Variants in NR1D2 observed in about 807,000 individuals in gnomAD.
NR1D2 encodes the protein V-erbA-related protein 1-related.
A neutral mutation model predicts 52.2 loss-of-function variants in NR1D2; 25 were observed. The observed-to-expected ratio is 0.48, with a 90% CI of 0.35 to 0.67. NR1D2 has a LOEUF of 0.67. Among genes scored for constraint, NR1D2 ranks in the 30% least tolerant of loss-of-function variants. The pLI, the probability that NR1D2 is intolerant of heterozygous loss-of-function variation, is 0.01. For missense variants in NR1D2, 681 were observed against 707.2 expected, an observed-to-expected ratio of 0.96 and a Z score of 0.42; for synonymous variants, 259 against 230.1, an observed-to-expected ratio of 1.13 and a Z score of -1.14.
chr3:23,957,138 A>G (rs542746518), intron 3 of NR1D2, among the ~76,000 whole-genome samples: 1 of 151,366 alleles, frequency 6.6e-6, no homozygotes. Flanking sequence ...ACACGCCACC[A>G]CTCCAGGCTA....
At chr3:23,950,411 G>T (rs1000300175) in intron 1 of NR1D2, among the ~76,000 whole-genome samples, 3 of 152,224 alleles carry the variant, frequency 2.0e-5, no homozygotes, top group Non-Finnish European at 4.4e-5. Context: ...AGTTCTTCTT[G>T]TGAGGATGAA....
chr3:23,957,235 G>A (rs1706102728), intron 3 of NR1D2, among the ~76,000 whole-genome samples: 1 of 151,568 alleles, frequency 6.6e-6, no homozygotes, highest in Non-Finnish European at 1.5e-5. Flanking sequence ...TGCCCGCCTC[G>A]GCTTCGCAAA....
At chr3:23,963,458 G>GTTT in intron 5 of NR1D2, 15 of 946,110 alleles carry the variant, frequency 1.6e-5, no homozygotes, top group South Asian at 8.6e-5. Flanking sequence ...TTGCTTTTTT[G>GTTT]TTTTTTTTTT....
chr3:23,977,562 T>C lies in NR1D2; in HGVS notation c.*143T>C, dbSNP rs879601752. 2 of 491,604 alleles carry C rather than the reference T, an allele frequency of 4.1e-6. No individual in the cohort carries two copies. Among genetic ancestry groups the C allele is most frequent in the Non-Finnish European group, 6.9e-6 (2 of 290,286 alleles). 30.5% of individuals were successfully genotyped at this position (491,604 alleles called of 1,614,324 possible). On this transcript the variant is annotated 3_prime_UTR_variant, in exon 8 of 8. Transcript: ENST00000312521. The stretch of plus-strand genomic sequence containing the variant: ...GTAGGCTATCTCTGTAATCATGCAA[T>C]AGCTGTTCGGATTGAGAACTCTTCA...
intron 1 of NR1D2, among the ~76,000 whole-genome samples, chr3:23,950,279 A>G (rs920281486): frequency 3.3e-5 from 5 of 152,236 alleles, no homozygotes; most frequent in Admixed American, 2.6e-4. Context: ...CTTCTCACCA[A>G]ATAAGTTTGT....
At chr3:23,948,272 C>T (rs1705824963) in intron 1 of NR1D2, among the ~76,000 whole-genome samples, 1 of 152,104 alleles carries the variant, frequency 6.6e-6, no homozygotes, top group Admixed American at 6.5e-5. Context: ...TCTTACTGTC[C>T]TTCGTGACAT....
chr3:23,977,028 A>G (rs998119280), intron 7 of NR1D2, among the ~76,000 whole-genome samples, 195 bp from the exon 8 acceptor site: 8 of 152,180 alleles, frequency 5.3e-5, no homozygotes, highest in African/African-American at 1.9e-4. Context: ...TGTGATATAT[A>G]TGCTTTATAA....
At chr3:23,957,584 G>A (rs1429068458) in intron 3 of NR1D2, among the ~76,000 whole-genome samples, 8 of 151,276 alleles carry the variant, frequency 5.3e-5, no homozygotes, top group African/African-American at 9.7e-5. Context: ...TTAGCCGGAC[G>A]TAGTGGTGGG....
In NR1D2 at chr3:23,974,802, C is replaced by A. The variant is rs577283214; in HGVS notation, c.1544-2421C>A. ...AAAATTGTGACCCTCCCCCTACCCC[C>A]ACAAACCAATATCCAATTTTTTTTT... On this transcript the variant is annotated intron_variant, in intron 7 of 7. Coordinates refer to ENST00000312521, the MANE Select transcript of NR1D2 (RefSeq NM_005126.5). Among the ~76,000 whole-genome samples the A allele has an allele frequency of 2.6e-3, 400 of 151,724 alleles. 3 individuals carry two copies. The highest frequency in any genetic ancestry group is 8.9e-3 in the African/African-American group (367 of 41,372).
At position 23,977,256 on chromosome 3, in the gene NR1D2, A is replaced by G; in HGVS notation, c.1577A>G (p.Glu526Gly). 1 of 1,607,628 alleles carries G rather than the reference A, an allele frequency of 6.2e-7. No homozygotes were observed. The highest frequency in any genetic ancestry group is 8.5e-7 in the Non-Finnish European group (1 of 1,177,448). The part of the protein sequence containing the change: ...RSGIENVNSV[E>G]ALQETLIRAL... ...GGAATAGAAAACGTCAACTCTGTGG[A>G]GGCTTTGCAGGAAACTCTCATTCGT... The change falls in exon 8 of 8, where the codon GAG (glutamate) becomes GGG (glycine). Residue 526 changes from glutamate (E) to glycine (G), a missense_variant. By Grantham distance (98) the Glu-to-Gly change is moderately conservative (BLOSUM62 -2). Around this residue, in one of 3 missense-constraint regions of NR1D2, gnomAD observed 475 missense variants for 454.5 expected, o/e 1.05. Transcript: ENST00000312521.
intron 1 of NR1D2, among the ~76,000 whole-genome samples, chr3:23,953,901 G>A (rs993815880): frequency 6.6e-6 from 1 of 152,290 alleles, no homozygotes; most frequent in East Asian, 1.9e-4. Flanking sequence ...TTACTTAGGA[G>A]CATTTTTTAG....
chr3:23,967,893 G>C lies in NR1D2; in HGVS notation c.1413G>C (p.Val471=). The C allele has an allele frequency of 6.2e-7, 1 of 1,613,720 alleles. No homozygotes were observed. Among genetic ancestry groups the C allele is most frequent in the South Asian group, 1.1e-5 (1 of 91,082 alleles). ...VTFLSGKKYS[V]DDLHSMGAGD... ...TTTTAAGTGGAAAGAAATATAGTGTGGATGATTTACACTCAATGGGAGCAG... is the reference window on the plus strand; with the variant it reads ...TTTTAAGTGGAAAGAAATATAGTGTCGATGATTTACACTCAATGGGAGCAG... The change falls in exon 7 of 8, where the codon GTG becomes GTC. Residue 471 remains valine, a synonymous_variant. Transcript: ENST00000312521.
In NR1D2 at chr3:23,965,026, A is replaced by G. The variant is rs888641099; in HGVS notation, c.1196A>G (p.His399Arg). 7 of 1,613,862 alleles carry G rather than the reference A, an allele frequency of 4.3e-6. No individual in the cohort carries two copies. The highest frequency in any genetic ancestry group is 5.1e-6 in the Non-Finnish European group (6 of 1,179,872). The change falls in exon 6 of 8, where the codon CAT (histidine) becomes CGT (arginine). Residue 399 changes from histidine (H) to arginine (R), a missense_variant. Physicochemically the swap from His to Arg is conservative, Grantham distance 29 (BLOSUM62 0). This residue lies in a region of NR1D2 where 475 missense variants were observed against 454.5 expected (regional missense o/e 1.05). Transcript: ENST00000312521. ...SPYVDPHKSG[H>R]EIWEEFSMSF... The stretch of plus-strand genomic sequence containing the variant: ...TATGTGGATCCTCATAAATCAGGAC[A>G]TGAAATCTGGGAAGAATTTTCGATG...
intron 4 of NR1D2, among the ~76,000 whole-genome samples, chr3:23,960,700 A>G (rs923899316): frequency 1.3e-5 from 2 of 152,130 alleles, no homozygotes; most frequent in Admixed American, 1.3e-4. Context: ...AATTTTTTTT[A>G]TAGTGCTAAA....
At chr3:23,950,577 A>G (rs575509350) in intron 1 of NR1D2, among the ~76,000 whole-genome samples, 1 of 152,310 alleles carries the variant, frequency 6.6e-6, no homozygotes, top group East Asian at 1.9e-4. Context: ...AGGTTCATAG[A>G]TGGGTGTCTA....
chr3:23,957,950 C>T (rs148599112), intron 3 of NR1D2, among the ~76,000 whole-genome samples: 97 of 152,210 alleles, frequency 6.4e-4, no homozygotes, highest in African/African-American at 2.1e-3. Context: ...AGTATAGATT[C>T]GGGAAATGTG....
chr3:23,947,749 AAAGCTGTTAC>A (rs1487819511), intron 1 of NR1D2, among the ~76,000 whole-genome samples: 13 of 152,226 alleles, frequency 8.5e-5, no homozygotes, highest in Non-Finnish European at 1.6e-4. Context: ...CCTTAAGTTC[AAAGCTGTTAC>A]AAGCTGTTAC....
In NR1D2 at chr3:23,961,953, G is replaced by A. The variant is rs371210383; in HGVS notation, c.518-24G>A. The stretch of plus-strand genomic sequence containing the variant: ...AACAGGTCTTATTTAGAATATAGAC[G>A]TTAAATATCTTTTTCTTCAATAGCT... On this transcript the variant is annotated intron_variant, in intron 4 of 7. Transcript: ENST00000312521. The A allele has an allele frequency of 4.0e-5, 62 of 1,557,204 alleles. 1 individual carries two copies. The South Asian group carries it at 5.9e-4, about 15-fold the overall frequency.
chr3:23,967,111 A>G (rs1706467966), intron 6 of NR1D2, among the ~76,000 whole-genome samples: 1 of 152,188 alleles, frequency 6.6e-6, no homozygotes, highest in Admixed American at 6.5e-5. Flanking sequence ...GGATCACCTA[A>G]GGTCACGAGT....
Sources: gnomAD v4.1 joint callset for allele counts (sites outside exome capture counted in the v4.1 genomes callset) on GRCh38, gnomAD v4.1.1 for gene constraint, gnomAD v4.1.1 regional missense constraint, MANE v1.5 for transcripts, NCBI Gene and HGNC (gene_info 2026-07-23, HGNC 2026-07-21) for gene names.